Variants in SAMD5 observed in about 807,000 individuals in gnomAD.
SAMD5 encodes the protein sterile alpha motif domain containing 5.
In SAMD5, 13 loss-of-function variants were observed where a neutral mutation model predicts 11.3. That is an observed-to-expected ratio of 1.15 (90% CI 0.75 to 1.83). The LOEUF (loss-of-function observed/expected upper bound fraction) is 1.83. SAMD5 is among the 40% of genes most tolerant of loss of function. The probability of loss-of-function intolerance (pLI) is 0.00; values close to 1 mark genes in which losing one functional copy is unlikely to be tolerated. For missense variants in SAMD5, 255 were observed against 239.1 expected (o/e 1.07, Z -0.44); for synonymous variants, 129 against 111.3 (o/e 1.16, Z -1.00).
the SAMD5 span, among the ~76,000 whole-genome samples, chr6:147,753,032 A>G: frequency 6.6e-6 from 1 of 152,214 alleles, no homozygotes; most frequent in Non-Finnish European, 1.5e-5. Context: ...ACAGAATTGG[A>G]ATGTGATGCT....
At chr6:147,524,545 T>C (rs371957596) in intron 1 of SAMD5, among the ~76,000 whole-genome samples, 2 of 152,210 alleles carry the variant, frequency 1.3e-5, no homozygotes, top group Admixed American at 6.5e-5. Flanking sequence ...ATTTGACTTC[T>C]TCTTCATTCA....
the SAMD5 span, among the ~76,000 whole-genome samples, chr6:147,873,486 C>A: frequency 6.6e-6 from 1 of 151,726 alleles, no homozygotes; most frequent in African/African-American, 2.4e-5. Flanking sequence ...ATGCATGTTG[C>A]TATTAATTGT....
At chr6:147,947,809 T>A in the SAMD5 span, among the ~76,000 whole-genome samples, 1 of 152,234 alleles carries the variant, frequency 6.6e-6, no homozygotes, top group Non-Finnish European at 1.5e-5. Context: ...CTTGTCTTTT[T>A]TTCTTTTACT....
chr6:147,830,746 G>C, the SAMD5 span, among the ~76,000 whole-genome samples: 3 of 152,154 alleles, frequency 2.0e-5, no homozygotes, highest in African/African-American at 7.2e-5. Flanking sequence ...ATAACTAATA[G>C]GTTATGAATG....
chr6:147,636,980 A>G lies in SAMD5; in HGVS notation c.163-100337A>G, dbSNP rs1790239678. ...GTCTTACAATCACTCATCCAGGGCAATAACGATCTAGCCAAGTGAGAACAA... is the reference window on the plus strand; with the variant it reads ...GTCTTACAATCACTCATCCAGGGCAGTAACGATCTAGCCAAGTGAGAACAA... On this transcript the variant is annotated intron_variant, in intron 1 of 1. Coordinates refer to the SAMD5 transcript ENST00000566741. Among the ~76,000 whole-genome samples the G allele has an allele frequency of 2.6e-5, 4 of 152,156 alleles. No individual in the cohort carries two copies. In the South Asian group the frequency reaches 8.3e-4, roughly 32 times the overall value.
chr6:147,764,930 A>G, the SAMD5 span, among the ~76,000 whole-genome samples: 6 of 152,136 alleles, frequency 3.9e-5, no homozygotes, highest in African/African-American at 7.2e-5. Context: ...ATACCATCTC[A>G]CTGCTGGCAC....
At chr6:147,910,562 T>C in the SAMD5 span, among the ~76,000 whole-genome samples, 1 of 152,140 alleles carries the variant, frequency 6.6e-6, no homozygotes, top group Non-Finnish European at 1.5e-5. Flanking sequence ...GAAAGGCTCA[T>C]GTTGTTTGAT....
the SAMD5 span, among the ~76,000 whole-genome samples, chr6:147,930,882 T>C: frequency 6.6e-6 from 1 of 152,204 alleles, no homozygotes; most frequent in Admixed American, 6.5e-5. Context: ...CTGCAGCCGA[T>C]TGGATGGTGC....
the SAMD5 span, among the ~76,000 whole-genome samples, chr6:147,922,638 G>T: frequency 6.6e-6 from 1 of 152,136 alleles, no homozygotes; most frequent in African/African-American, 2.4e-5. Context: ...AATTAATTTA[G>T]AATTTAAAGC....
At chr6:147,810,935 A>G in the SAMD5 span, among the ~76,000 whole-genome samples, 1 of 152,352 alleles carries the variant, frequency 6.6e-6, no homozygotes, top group Non-Finnish European at 1.5e-5. Flanking sequence ...TCTAACTGGT[A>G]GAGGAGATAA....
the SAMD5 span, among the ~76,000 whole-genome samples, chr6:147,828,507 G>A: frequency 6.6e-6 from 1 of 152,148 alleles, no homozygotes; most frequent in Non-Finnish European, 1.5e-5. Flanking sequence ...TCAGCTGCCA[G>A]CGCAACCAGA....
intron 1 of SAMD5, among the ~76,000 whole-genome samples, chr6:147,663,791 C>CAAA (rs199707045): frequency 5.1e-4 from 42 of 82,886 alleles, no homozygotes; most frequent in Admixed American, 8.1e-4. Flanking sequence ...AACTCTGTCT[C>CAAA]AAAAAAAAAA....
the SAMD5 span, among the ~76,000 whole-genome samples, chr6:147,941,822 C>T: frequency 1.3e-5 from 2 of 151,468 alleles, no homozygotes; most frequent in African/African-American, 4.9e-5. Context: ...TAGAATATTT[C>T]AAACTAAAAT....
the SAMD5 span, among the ~76,000 whole-genome samples, chr6:147,869,084 A>T: frequency 6.6e-6 from 1 of 152,226 alleles, no homozygotes; most frequent in Admixed American, 6.5e-5. Context: ...AGGAAAACGG[A>T]TGTTCGTTTC....
At chr6:147,907,852 C>T in the SAMD5 span, among the ~76,000 whole-genome samples, 1 of 152,076 alleles carries the variant, frequency 6.6e-6, no homozygotes, top group Admixed American at 6.6e-5. Context: ...ATTTTTTTAC[C>T]TGTATGAAAT....
rs531024735 is a variant in SAMD5, at chr6:147,661,920, C to T, written c.163-75397C>T. ...CTGGGATTACAGGCGTGAGCCACCA[C>T]GCCCGGCGCGACTAAAACCGTTCTT... On this transcript the variant is annotated intron_variant, in intron 1 of 1. Transcript: ENST00000566741. Among the ~76,000 whole-genome samples, 28 of 152,278 alleles carry T rather than the reference C, an allele frequency of 1.8e-4. No homozygotes were observed. In the South Asian group the frequency reaches 5.2e-3, roughly 28 times the overall value.
chr6:147,910,444 G>A, the SAMD5 span, among the ~76,000 whole-genome samples: 28 of 152,212 alleles, frequency 1.8e-4, no homozygotes, highest in Non-Finnish European at 3.2e-4. Context: ...CGGGCGCAGC[G>A]GTGCCCTCTT....
At chr6:147,945,604 T>A in the SAMD5 span, among the ~76,000 whole-genome samples, 2 of 152,100 alleles carry the variant, frequency 1.3e-5, no homozygotes, top group Non-Finnish European at 2.9e-5. Context: ...TAGAGGGTGA[T>A]GAATAAAAGT....
chr6:147,655,602 G>A (rs1016711042), intron 1 of SAMD5, among the ~76,000 whole-genome samples: 2 of 151,876 alleles, frequency 1.3e-5, no homozygotes, highest in Non-Finnish European at 2.9e-5. Flanking sequence ...CATTATAGGT[G>A]GCACGACAAA....
Sources: gnomAD v4.1 joint callset for allele counts (sites outside exome capture counted in the v4.1 genomes callset) on GRCh38, gnomAD v4.1.1 for gene constraint, MANE v1.5 for transcripts, NCBI Gene and HGNC (gene_info 2026-07-23, HGNC 2026-07-21) for gene names.